DIP2C: variants seen among roughly 807,000 people sequenced by gnomAD.
DIP2C encodes DIP2 acetate--CoA ligase C (putative), also known as disco-interacting protein 2 homolog C.
In DIP2C, 33 loss-of-function variants were observed where a neutral mutation model predicts 192.4. The observed-to-expected ratio is 0.17, with a 90% CI of 0.13 to 0.23. The LOEUF (loss-of-function observed/expected upper bound fraction) is 0.23, where lower values mean the gene tolerates loss of function less well. DIP2C is among the 10% of genes least tolerant of loss of function. The pLI, the probability that DIP2C is intolerant of heterozygous loss-of-function variation, is 1.00. For missense variants in DIP2C, 1,537 were observed against 2,110.1 expected, an observed-to-expected ratio of 0.73 and a Z score of 5.32; for synonymous variants, 979 against 864.1, an observed-to-expected ratio of 1.13 and a Z score of -2.33.
At chr10:388,779 C>A (rs190586369) in intron 13 of DIP2C, among the ~76,000 whole-genome samples, 1 of 152,220 alleles carries the variant, frequency 6.6e-6, no homozygotes, top group South Asian at 2.1e-4. Flanking sequence ...CACAGCGGAG[C>A]GGCAGATGCC....
At chr10:427,305 G>C (rs1966656187) in intron 4 of DIP2C, among the ~76,000 whole-genome samples, 1 of 152,180 alleles carries the variant, frequency 6.6e-6, no homozygotes, top group African/African-American at 2.4e-5. Flanking sequence ...GGACGTTCTT[G>C]ATTACAGTGG....
chr10:488,039 A>G (rs1288361930), intron 1 of DIP2C, among the ~76,000 whole-genome samples: 2 of 152,198 alleles, frequency 1.3e-5, no homozygotes, highest in Admixed American at 6.5e-5. Flanking sequence ...AATGTCCAAA[A>G]TCTGAACCAC....
intron 11 of DIP2C, 121 bp from the exon 12 acceptor site, chr10:390,494 GGACTTCACGA>G (rs1963374981): frequency 9.0e-7 from 1 of 1,111,756 alleles, no homozygotes; most frequent in South Asian, 1.4e-5. Flanking sequence ...TGGTGTCTCC[GGACTTCACGA>G]GATCTAAGAC....
At chr10:510,103 T>G (rs992006639) in intron 1 of DIP2C, among the ~76,000 whole-genome samples, 12 of 152,322 alleles carry the variant, frequency 7.9e-5, no homozygotes, top group African/African-American at 2.4e-4. Context: ...TCTGTAGCAA[T>G]CGCCTTCCTG....
chr10:358,962 A>G (rs949420569), intron 22 of DIP2C, among the ~76,000 whole-genome samples: 2 of 152,014 alleles, frequency 1.3e-5, no homozygotes, highest in African/African-American at 2.4e-5. Flanking sequence ...GCTACTATTA[A>G]ATCAAATTCT....
In DIP2C at chr10:536,652, G is replaced by A. The variant is rs550928268; in HGVS notation, c.86-50122C>T. Among the ~76,000 whole-genome samples, 58 of 152,330 alleles carry A rather than the reference G, an allele frequency of 3.8e-4. No homozygotes were observed. The South Asian group carries it at 0.012, about 31-fold the overall frequency. On this transcript the variant is annotated intron_variant, in intron 1 of 36. Coordinates refer to ENST00000280886, the MANE Select transcript of DIP2C (RefSeq NM_014974.3). ...TGAATGTGATTCAGAATTCGTTCAT[G>A]GGACTGACTCCCAGTGCTCTGTGGA...
At chr10:318,215 G>A (rs369652215) in intron 31 of DIP2C, among the ~76,000 whole-genome samples, 3 of 152,150 alleles carry the variant, frequency 2.0e-5, no homozygotes, top group Non-Finnish European at 2.9e-5. Flanking sequence ...CTCCTGTATC[G>A]GGAGAACTCC....
chr10:530,884 CCA>C (rs1330219012), intron 1 of DIP2C, among the ~76,000 whole-genome samples: 2 of 152,112 alleles, frequency 1.3e-5, no homozygotes, highest in South Asian at 2.1e-4. Flanking sequence ...GAAGTCTCCT[CCA>C]CAGTCAGACA....
intron 1 of DIP2C, among the ~76,000 whole-genome samples, chr10:546,709 C>T (rs1848302913): frequency 6.6e-6 from 1 of 152,128 alleles, no homozygotes; most frequent in South Asian, 2.1e-4. Flanking sequence ...ACTTGAGTGG[C>T]TCTTTTACCA....
At chr10:279,701 A>G (rs1406754473) in intron 36 of DIP2C, among the ~76,000 whole-genome samples, 1 of 152,212 alleles carries the variant, frequency 6.6e-6, no homozygotes, top group African/African-American at 2.4e-5. Context: ...TTGTACCTGG[A>G]TCATCTCAAA....
At chr10:280,383 G>A (rs1954752511) in intron 36 of DIP2C, among the ~76,000 whole-genome samples, 1 of 152,176 alleles carries the variant, frequency 6.6e-6, no homozygotes, top group South Asian at 2.1e-4. Flanking sequence ...TTCACCAGGT[G>A]CCCCTCAGTT....
At chr10:584,522 C>T (rs1202405223) in intron 1 of DIP2C, among the ~76,000 whole-genome samples, 5 of 134,978 alleles carry the variant, frequency 3.7e-5, no homozygotes, top group African/African-American at 5.7e-5. Context: ...TCTCGGGGCC[C>T]GCGACCTGGC....
At chr10:361,178 TTTTC>T (rs1381776332) in intron 22 of DIP2C, among the ~76,000 whole-genome samples, 4 of 152,156 alleles carry the variant, frequency 2.6e-5, no homozygotes, top group East Asian at 1.9e-4. Context: ...ATATATACTA[TTTTC>T]TTTCTTTCAA....
rs542883151 is a variant in DIP2C, at chr10:470,496, G to T, written c.268+1943C>A. On this transcript the variant is annotated intron_variant, in intron 3 of 36. Transcript: ENST00000280886. ...TAAGGTGCACGGATGAACAGAAAAC[G>T]CACCCCAAGCCAAGAGATAACCATC... Among the ~76,000 whole-genome samples the T allele has an allele frequency of 2.0e-5, 3 of 152,050 alleles. No individual in the cohort carries two copies. The East Asian group carries it at 5.8e-4, about 29-fold the overall frequency.
At chr10:532,576 TGTGA>T (rs1847442599) in intron 1 of DIP2C, among the ~76,000 whole-genome samples, 2 of 131,258 alleles carry the variant, frequency 1.5e-5, no homozygotes, top group Non-Finnish European at 3.2e-5. Flanking sequence ...AGAGTATGGG[TGTGA>T]GAGAGAGTAT....
At chr10:287,045 G>T (rs1955177983) in intron 33 of DIP2C, among the ~76,000 whole-genome samples, 1 of 152,116 alleles carries the variant, frequency 6.6e-6, no homozygotes, top group Non-Finnish European at 1.5e-5. Context: ...CAAGATACTG[G>T]GGAACTTTTT....
intron 1 of DIP2C, among the ~76,000 whole-genome samples, chr10:559,321 GTGGGGAACGCC>G (rs1374448540): frequency 1.5e-5 from 2 of 133,298 alleles, no homozygotes; most frequent in East Asian, 2.0e-4. Context: ...CATGGGGGCG[GTGGGGAACGCC>G]GGGGGAACGC....
At chr10:598,519 T>C (rs991405337) in intron 1 of DIP2C, among the ~76,000 whole-genome samples, 1 of 151,972 alleles carries the variant, frequency 6.6e-6, no homozygotes, top group African/African-American at 2.4e-5. Flanking sequence ...GGGAGCATCA[T>C]GGGGAGAGGC....
intron 31 of DIP2C, among the ~76,000 whole-genome samples, chr10:318,307 T>C (rs1393336026): frequency 6.6e-6 from 1 of 152,168 alleles, no homozygotes; most frequent in African/African-American, 2.4e-5. Flanking sequence ...TTCCCAGCCT[T>C]CCTGGAAGCT....
Sources: gnomAD v4.1 joint callset for allele counts (sites outside exome capture counted in the v4.1 genomes callset) on GRCh38, gnomAD v4.1.1 for gene constraint, MANE v1.5 for transcripts, NCBI Gene and HGNC (gene_info 2026-07-23, HGNC 2026-07-21) for gene names.